Variants in IL1RAPL1 observed in about 807,000 individuals in gnomAD.
The protein encoded by IL1RAPL1 is interleukin 1 receptor accessory protein like 1.
IL1RAPL1 carries 3 observed loss-of-function variants against 48.4 expected under a neutral mutation model. That is an observed-to-expected ratio of 0.06 (90% CI 0.03 to 0.16). The LOEUF is 0.16. Ranked by LOEUF, IL1RAPL1 falls within the 10% of genes least tolerant of loss-of-function variation. The pLI is 1.00. For missense variants in IL1RAPL1, 349 were observed against 530.6 expected, an observed-to-expected ratio of 0.66 and a Z score of 3.36; for synonymous variants, 185 against 187.7, an observed-to-expected ratio of 0.99 and a Z score of 0.12.
intron 1 of IL1RAPL1, among the ~76,000 whole-genome samples, chrX:28,721,952 G>A (rs1451976669): frequency 1.5e-3 from 170 of 110,850 alleles, no homozygotes; most frequent in African/African-American, 5.0e-3. Flanking sequence ...CCACTGGTCT[G>A]TATCTCTGTT....
chrX:29,199,218 C>T (rs900463566), intron 2 of IL1RAPL1, among the ~76,000 whole-genome samples: 1 of 111,107 alleles, frequency 9.0e-6, no homozygotes, highest in Non-Finnish European at 1.9e-5. Context: ...GTATAAATAA[C>T]GTTACACAAA....
chrX:29,927,149 C>G (rs941530009), intron 8 of IL1RAPL1, among the ~76,000 whole-genome samples: 2 of 112,056 alleles, frequency 1.8e-5, no homozygotes, highest in South Asian at 7.5e-4. Context: ...ATTCATTAGC[C>G]TGGGGTAGGA....
At chrX:29,129,457 T>C (rs998001469) in intron 2 of IL1RAPL1, among the ~76,000 whole-genome samples, 2 of 111,523 alleles carry the variant, frequency 1.8e-5, no homozygotes, top group African/African-American at 6.5e-5. Context: ...TGTGGGAAAA[T>C]TTAAAAAACA....
intron 5 of IL1RAPL1, among the ~76,000 whole-genome samples, chrX:29,455,278 A>AT (rs1358246189): frequency 9.0e-6 from 1 of 111,719 alleles, no homozygotes; most frequent in South Asian, 3.7e-4. Flanking sequence ...GAGACCAGAG[A>AT]TTTTTTTCTT....
intron 2 of IL1RAPL1, among the ~76,000 whole-genome samples, chrX:28,874,653 T>C (rs1922321111): frequency 8.9e-6 from 1 of 112,396 alleles, no homozygotes; most frequent in Non-Finnish European, 1.9e-5. Flanking sequence ...TGAACCAGCA[T>C]CCTTATAATG....
intron 5 of IL1RAPL1, among the ~76,000 whole-genome samples, chrX:29,486,108 C>G (rs757496478): frequency 9.0e-6 from 1 of 111,011 alleles, no homozygotes; most frequent in African/African-American, 3.3e-5. Flanking sequence ...TACTCTTTCT[C>G]GGGATTGACA....
chrX:29,779,374 G>A (rs936797459), intron 6 of IL1RAPL1, among the ~76,000 whole-genome samples: 3 of 110,998 alleles, frequency 2.7e-5, no homozygotes, highest in Non-Finnish European at 5.7e-5. Context: ...TTTATTCCCA[G>A]ACCCATGCTC....
chrX:28,961,836 A>G (rs1924786300), intron 2 of IL1RAPL1, among the ~76,000 whole-genome samples: 1 of 111,820 alleles, frequency 8.9e-6, no homozygotes, highest in Non-Finnish European at 1.9e-5. Context: ...CTGGGAAGCA[A>G]AATTGCCACT....
At chrX:29,643,926 G>C (rs1313923680) in intron 5 of IL1RAPL1, among the ~76,000 whole-genome samples, 2 of 111,459 alleles carry the variant, frequency 1.8e-5, no homozygotes, top group African/African-American at 6.5e-5. Context: ...ACCTTAACTA[G>C]GTATTTCACT....
chrX:28,982,001 T>TA (rs1925354800), intron 2 of IL1RAPL1, among the ~76,000 whole-genome samples: 1 of 112,046 alleles, frequency 8.9e-6, no homozygotes, highest in Admixed American at 9.5e-5. Flanking sequence ...ATTAAAATCT[T>TA]AAAATATACC....
chrX:29,635,812 A>C (rs1362529751), intron 5 of IL1RAPL1, among the ~76,000 whole-genome samples: 1 of 109,736 alleles, frequency 9.1e-6, no homozygotes, highest in East Asian at 2.8e-4. Context: ...AAAAAAACCC[A>C]AAAACTAAAG....
At chrX:29,019,750 C>T (rs1212977316) in intron 2 of IL1RAPL1, among the ~76,000 whole-genome samples, 1 of 112,236 alleles carries the variant, frequency 8.9e-6, no homozygotes, top group Non-Finnish European at 1.9e-5. Context: ...AATTTTTCTG[C>T]CTTTACATAT....
intron 2 of IL1RAPL1, among the ~76,000 whole-genome samples, chrX:28,976,153 T>C (rs1281821932): frequency 8.9e-6 from 1 of 111,955 alleles, no homozygotes; most frequent in Admixed American, 9.5e-5. Flanking sequence ...CTTAATGTCA[T>C]CTAACTTAGT....
rs1555978819 is a variant in IL1RAPL1, at chrX:29,230,522, A to AAAACAAAAC, written c.83-52413_83-52412insCAAAACAAA. Among the ~76,000 whole-genome samples the AAAACAAAAC allele has an allele frequency of 1.3e-4, 12 of 90,821 alleles. 1 individual carries two copies. Among genetic ancestry groups the AAAACAAAAC allele is most frequent in the African/African-American group, 4.7e-4 (11 of 23,550 alleles). 78.9% of individuals were successfully genotyped at this position (90,821 alleles called of 115,157 possible). ...CCTTTACCAAAAAAAAAAAAAAAAA[A>AAAACAAAAC]AAAAAAAAAAAAACCTTGTTGTCTC... On this transcript the variant is annotated intron_variant, in intron 2 of 10. Coordinates refer to ENST00000378993, the MANE Select transcript of IL1RAPL1 (RefSeq NM_014271.4).
rs1408454403 is a variant in IL1RAPL1, at chrX:29,329,457, C to A, written c.362+46240C>A. On this transcript the variant is annotated intron_variant, in intron 3 of 10. Coordinates refer to ENST00000378993, the MANE Select transcript of IL1RAPL1 (RefSeq NM_014271.4). ...TGGAAACAACCCAAATATTCATCAG[C>A]TGATGAATGGATAAAACAAAACGTG... 3.6e-5 allele frequency among the ~76,000 whole-genome samples: 4 copies of A among 111,511 alleles called. 1 individual carries two copies. The Middle Eastern group carries it at 0.014, about 387-fold the overall frequency.
intron 5 of IL1RAPL1, among the ~76,000 whole-genome samples, chrX:29,569,464 T>G (rs2147797329): frequency 9.0e-6 from 1 of 111,415 alleles, no homozygotes; most frequent in South Asian, 3.8e-4. Flanking sequence ...ATGCCTTATA[T>G]TTTTTGAGTG....
intron 2 of IL1RAPL1, among the ~76,000 whole-genome samples, chrX:29,192,353 G>A (rs10449060): frequency 0.039 from 4,337 of 111,873 alleles, 104 homozygotes; most frequent in Non-Finnish European, 0.066. Context: ...CTGAAAACAA[G>A]GTATCTGGCA....
intron 1 of IL1RAPL1, among the ~76,000 whole-genome samples, chrX:28,624,208 C>T (rs536811661): frequency 9.0e-6 from 1 of 111,489 alleles, no homozygotes; most frequent in Non-Finnish European, 1.9e-5. Context: ...TCTTTTCCAT[C>T]GTCACACCTG....
intron 1 of IL1RAPL1, among the ~76,000 whole-genome samples, chrX:28,695,887 C>T (rs1935224782): frequency 9.0e-6 from 1 of 111,681 alleles, no homozygotes; most frequent in African/African-American, 3.2e-5. Flanking sequence ...AACAAACAAA[C>T]CAGAAATATA....
Sources: gnomAD v4.1 joint callset for allele counts (sites outside exome capture counted in the v4.1 genomes callset) on GRCh38, gnomAD v4.1.1 for gene constraint, MANE v1.5 for transcripts, NCBI Gene and HGNC (gene_info 2026-07-23, HGNC 2026-07-21) for gene names.